Variants in IMMP2L observed in about 807,000 individuals in gnomAD.
The protein encoded by IMMP2L is mitochondrial inner membrane protease subunit 2.
Under a neutral mutation model 19.3 loss-of-function variants are expected in IMMP2L, and 18 were observed. That is an observed-to-expected ratio of 0.93 (90% CI 0.64 to 1.38). The LOEUF is 1.38. Among genes scored for constraint, IMMP2L ranks in the 40% most tolerant of loss-of-function variants. The pLI is 0.00. For missense variants in IMMP2L, 233 were observed against 218.2 expected, an observed-to-expected ratio of 1.07 and a Z score of -0.43; for synonymous variants, 76 against 73.0, an observed-to-expected ratio of 1.04 and a Z score of -0.21.
chr7:111,411,434 A>C (rs1324837026), intron 3 of IMMP2L: 3 of 500,966 alleles, frequency 6.0e-6, no homozygotes, highest in Non-Finnish European at 1.2e-5. Flanking sequence ...ACCTCACCAG[A>C]CCTCCTTGGA....
chr7:111,123,045 A>G lies in IMMP2L; in HGVS notation c.240-159480T>C. 1 of 1,613,932 alleles carries G rather than the reference A, an allele frequency of 6.2e-7. No individual in the cohort carries two copies. Among genetic ancestry groups the G allele is most frequent in the Non-Finnish European group, 8.5e-7 (1 of 1,179,950 alleles). On this transcript the variant is annotated intron_variant, in intron 3 of 5. Coordinates refer to ENST00000405709, the MANE Select transcript of IMMP2L (RefSeq NM_032549.4). This position sits in a 1 kb window ranked among gnomAD's most constrained non-coding sequence, Gnocchi z 6.4. ...AAATTGAATACTCCACAGACTTTCC[A>G]GTAAACCTTACTGGCCTGGATTTAT...
At chr7:111,530,959 T>A (rs1847334730) in intron 1 of IMMP2L, among the ~76,000 whole-genome samples, 1 of 139,050 alleles carries the variant, frequency 7.2e-6, no homozygotes, top group African/African-American at 2.7e-5. Flanking sequence ...TGAATATTAA[T>A]TTTTTTTTTT....
At chr7:110,852,134 T>G (rs1200078446) in intron 5 of IMMP2L, among the ~76,000 whole-genome samples, 1 of 151,952 alleles carries the variant, frequency 6.6e-6, no homozygotes, top group African/African-American at 2.4e-5. Flanking sequence ...CTGTGAAGGG[T>G]CTGAGATTTT....
chr7:110,988,566 T>C (rs567656674), intron 3 of IMMP2L, among the ~76,000 whole-genome samples: 1 of 152,044 alleles, frequency 6.6e-6, no homozygotes, highest in South Asian at 2.1e-4. Flanking sequence ...GCTACATGTG[T>C]ACAGGGAAAA....
chr7:111,533,874 A>C (rs17158599), intron 1 of IMMP2L, among the ~76,000 whole-genome samples: 13,731 of 152,084 alleles, frequency 0.09, 777 homozygotes, highest in African/African-American at 0.14. Flanking sequence ...AAATCAAAAC[A>C]TACCATAAAT....
intron 1 of IMMP2L, among the ~76,000 whole-genome samples, chr7:111,530,027 T>C (rs1393003718): frequency 6.6e-6 from 1 of 152,074 alleles, no homozygotes; most frequent in East Asian, 1.9e-4. Flanking sequence ...GCAGGCCCCA[T>C]CCTATCCAAG....
intron 3 of IMMP2L, among the ~76,000 whole-genome samples, chr7:111,135,855 A>T (rs1802284423): frequency 6.6e-6 from 1 of 152,082 alleles, no homozygotes; most frequent in South Asian, 2.1e-4. Context: ...CTTAATCCAG[A>T]CTAGAGCTGC....
chr7:111,495,333 G>C (rs924818038), intron 2 of IMMP2L, among the ~76,000 whole-genome samples: 4 of 151,926 alleles, frequency 2.6e-5, no homozygotes, highest in Non-Finnish European at 5.9e-5. Context: ...TCTGACCTAA[G>C]TACTATATAG....
chr7:111,016,691 TTC>T (rs1253438596), intron 3 of IMMP2L, among the ~76,000 whole-genome samples: 2 of 103,954 alleles, frequency 1.9e-5, no homozygotes, highest in Non-Finnish European at 3.4e-5. Context: ...TAAATTATAT[TTC>T]TATATTATAT....
chr7:111,222,105 T>C (rs1023539804), intron 3 of IMMP2L, among the ~76,000 whole-genome samples: 1 of 152,034 alleles, frequency 6.6e-6, no homozygotes, highest in African/African-American at 2.4e-5. Context: ...CTGATTATAA[T>C]GCCACCTCAA....
At position 110,769,648 on chromosome 7, in the gene IMMP2L, G is replaced by C. The variant is rs145068010; in HGVS notation, c.409-105927C>G. ...TGAGAATTATAAGCTGTCTATGGGT[G>C]TCATTTATCCATGCTATTCTGATCA... On this transcript the variant is annotated intron_variant, in intron 5 of 5. Coordinates refer to ENST00000405709, the MANE Select transcript of IMMP2L (RefSeq NM_032549.4). 1.3e-3 allele frequency among the ~76,000 whole-genome samples: 202 copies of C among 152,208 alleles called. 5 individuals carry two copies. In the East Asian group the frequency reaches 0.03, roughly 22 times the overall value.
At chr7:111,106,644 A>G (rs1302650135) in intron 3 of IMMP2L, among the ~76,000 whole-genome samples, 1 of 149,586 alleles carries the variant, frequency 6.7e-6, no homozygotes, top group African/African-American at 2.5e-5. Context: ...TGAGGGACTT[A>G]TAAATAATAT....
chr7:111,273,348 A>C (rs1818680819), intron 3 of IMMP2L, among the ~76,000 whole-genome samples: 1 of 152,102 alleles, frequency 6.6e-6, no homozygotes, highest in African/African-American at 2.4e-5. Flanking sequence ...AGCCCAAAGC[A>C]GTGGAAATTT....
intron 3 of IMMP2L, among the ~76,000 whole-genome samples, chr7:110,965,099 A>T (rs1420420131): frequency 2.0e-5 from 3 of 152,074 alleles, no homozygotes; most frequent in Non-Finnish European, 2.9e-5. Context: ...TTTGTCATGT[A>T]GCAATGGGTA....
At chr7:110,753,446 T>G (rs1447330270) in intron 5 of IMMP2L, among the ~76,000 whole-genome samples, 1 of 152,020 alleles carries the variant, frequency 6.6e-6, no homozygotes, top group Non-Finnish European at 1.5e-5. Flanking sequence ...CCTTCTGACA[T>G]TTAACTTGTA....
intron 3 of IMMP2L, among the ~76,000 whole-genome samples, chr7:111,449,108 A>G (rs1838853689): frequency 6.7e-6 from 1 of 150,040 alleles, no homozygotes. Context: ...AGATGGATTC[A>G]CAGCCGAATT....
intron 3 of IMMP2L, among the ~76,000 whole-genome samples, chr7:111,421,695 C>A (rs936766247): frequency 2.0e-5 from 3 of 151,702 alleles, no homozygotes; most frequent in Non-Finnish European, 4.4e-5. Flanking sequence ...ATGGTAGTTT[C>A]TTTTGCCATG....
intron 3 of IMMP2L, among the ~76,000 whole-genome samples, chr7:111,198,759 T>C (rs1409605453): frequency 6.6e-6 from 1 of 152,212 alleles, no homozygotes; most frequent in South Asian, 2.1e-4. Context: ...GACTCGTTCA[T>C]TCTGGAACTC....
chr7:110,701,815 G>A (rs949916798), intron 5 of IMMP2L, among the ~76,000 whole-genome samples: 1 of 152,070 alleles, frequency 6.6e-6, no homozygotes, highest in African/African-American at 2.4e-5. Context: ...TGCAAACCAG[G>A]ATTTAAACTC....
Sources: gnomAD v4.1 joint callset for allele counts (sites outside exome capture counted in the v4.1 genomes callset) on GRCh38, gnomAD v4.1.1 for gene constraint, Gnocchi (gnomAD v3.1) non-coding constraint, MANE v1.5 for transcripts, NCBI Gene and HGNC (gene_info 2026-07-23, HGNC 2026-07-21) for gene names.